The following NTM variants were observed in gnomAD, a reference collection of about 807,000 sequenced individuals.
The protein encoded by NTM is IgLON family member 2.
A neutral mutation model predicts 42.1 loss-of-function variants in NTM; 13 were observed. That is an observed-to-expected ratio of 0.31 (90% confidence interval 0.20 to 0.49). NTM has a LOEUF of 0.49. NTM is among the 20% of genes least tolerant of loss of function. The pLI, the probability that NTM is intolerant of heterozygous loss-of-function variation, is 0.99. For synonymous variants in NTM, 187 were observed against 179.2 expected (o/e 1.04, Z -0.35); for missense variants, 373 against 452.8 (o/e 0.82, Z 1.60).
chr11:131,682,311 A>G (rs1192168267), intron 1 of NTM, among the ~76,000 whole-genome samples: 2 of 152,164 alleles, frequency 1.3e-5, no homozygotes, highest in Non-Finnish European at 2.9e-5. Context: ...GGCTGCTGTG[A>G]GGACTAATCT....
intron 4 of NTM, among the ~76,000 whole-genome samples, chr11:132,270,665 A>G (rs137984119): frequency 0.033 from 4,365 of 131,856 alleles, 211 homozygotes; most frequent in African/African-American, 0.11. Flanking sequence ...TTTTTTTTTT[A>G]CTTTTTTGGG....
intron 1 of NTM, among the ~76,000 whole-genome samples, chr11:131,633,323 A>G (rs1009500435): frequency 2.0e-5 from 3 of 152,126 alleles, no homozygotes; most frequent in Admixed American, 6.5e-5. Context: ...CTTATGTCCC[A>G]TTGACTCTAA....
At chr11:131,951,954 T>A (rs2061046793) in intron 2 of NTM, among the ~76,000 whole-genome samples, 1 of 152,168 alleles carries the variant, frequency 6.6e-6, no homozygotes, top group South Asian at 2.1e-4. Context: ...TGCTATTTGT[T>A]AGTAGATAGT....
chr11:132,047,784 T>C (rs1223600974), intron 2 of NTM, among the ~76,000 whole-genome samples: 1 of 152,210 alleles, frequency 6.6e-6, no homozygotes. Flanking sequence ...AAACTGGTTT[T>C]CTCTAAATCA....
intron 2 of NTM, among the ~76,000 whole-genome samples, chr11:131,974,647 C>A (rs1479358487): frequency 6.6e-6 from 1 of 152,186 alleles, no homozygotes; most frequent in Non-Finnish European, 1.5e-5. Flanking sequence ...CAAATTTTGA[C>A]CCTGGCATTT....
intron 3 of NTM, among the ~76,000 whole-genome samples, chr11:132,188,471 A>G (rs2078785419): frequency 6.6e-6 from 1 of 152,146 alleles, no homozygotes. Context: ...CCCAGCTCAC[A>G]TCTTCAGAAA....
intron 2 of NTM, among the ~76,000 whole-genome samples, chr11:132,117,140 T>C (rs2064019028): frequency 6.6e-6 from 1 of 152,246 alleles, no homozygotes; most frequent in South Asian, 2.1e-4. Flanking sequence ...TGAGTGTTCA[T>C]TTAAAATGAT....
chr11:132,168,885 C>CT (rs1165063695), intron 3 of NTM, among the ~76,000 whole-genome samples: 1 of 152,194 alleles, frequency 6.6e-6, no homozygotes, highest in Non-Finnish European at 1.5e-5. Context: ...CAGATCTTCA[C>CT]TTTACACATG....
At chr11:131,852,145 G>A (rs1289861804) in intron 1 of NTM, among the ~76,000 whole-genome samples, 3 of 152,044 alleles carry the variant, frequency 2.0e-5, no homozygotes, top group African/African-American at 7.2e-5. Context: ...CTGCTGAGGC[G>A]GCTCCCATGG....
chr11:131,608,318 T>G (rs1379128901), intron 1 of NTM, among the ~76,000 whole-genome samples: 1 of 152,204 alleles, frequency 6.6e-6, no homozygotes, highest in Non-Finnish European at 1.5e-5. Context: ...TGGGTTACAT[T>G]TTTGAATGAG....
chr11:131,962,372 C>A (rs996100219), intron 2 of NTM, among the ~76,000 whole-genome samples: 7 of 152,192 alleles, frequency 4.6e-5, no homozygotes, highest in African/African-American at 1.2e-4. Flanking sequence ...AAACCCTAAC[C>A]CTCAATGGGA....
chr11:131,877,711 A>G (rs1290697616), intron 1 of NTM: 1 of 152,214 alleles, frequency 6.6e-6, no homozygotes. Flanking sequence ...CTTGATGACA[A>G]TATTTAATAA....
At position 131,614,299 on chromosome 11, in the gene NTM, G is replaced by A. The variant is rs7101937; in HGVS notation, c.82+243411G>A. Reference sequence around the variant, plus strand: ...GAGGAGGGAAGTGGTTCCCATAAATGCCCCATGCCCAGAAGGGCCGTGCAG... The same window carrying A: ...GAGGAGGGAAGTGGTTCCCATAAATACCCCATGCCCAGAAGGGCCGTGCAG... On this transcript the variant is annotated intron_variant, in intron 1 of 8. Coordinates refer to ENST00000683400, the MANE Select transcript of NTM (RefSeq NM_001352005.2). Among the ~76,000 whole-genome samples, 286 of 152,328 alleles carry A rather than the reference G, an allele frequency of 1.9e-3. 3 individuals carry two copies. Among genetic ancestry groups the A allele is most frequent in the African/African-American group, 5.8e-3 (242 of 41,580 alleles).
chr11:131,407,590 G>T (rs1288823611), intron 1 of NTM, among the ~76,000 whole-genome samples: 1 of 152,118 alleles, frequency 6.6e-6, no homozygotes, highest in Non-Finnish European at 1.5e-5. Context: ...CTGAAAGTGG[G>T]GACAAAAGGC....
intron 7 of NTM, among the ~76,000 whole-genome samples, chr11:132,316,883 G>C (rs1460060429): frequency 6.6e-6 from 1 of 152,186 alleles, no homozygotes; most frequent in Admixed American, 6.6e-5. Context: ...TTCCATGTCA[G>C]TTTCCATTAA....
chr11:132,066,649 G>A lies in NTM; in HGVS notation c.168-79633G>A, dbSNP rs146977260. Among the ~76,000 whole-genome samples the A allele has an allele frequency of 3.4e-3, 514 of 152,218 alleles. 1 individual carries two copies. Among genetic ancestry groups the A allele is most frequent in the Non-Finnish European group, 5.9e-3 (402 of 68,014 alleles). ...CTCTTCTTTCTTCCAGTGGCTTCCG[G>A]TATTCTTTGGATTGATACATTATCT... is the stretch of plus-strand genomic sequence containing the variant. On this transcript the variant is annotated intron_variant, in intron 2 of 8. Transcript: ENST00000683400.
At chr11:132,032,634 C>T (rs946912100) in intron 2 of NTM, among the ~76,000 whole-genome samples, 2 of 152,156 alleles carry the variant, frequency 1.3e-5, no homozygotes, top group African/African-American at 2.4e-5. Context: ...CCTACTCCAA[C>T]ATCTGTTCAG....
At chr11:132,225,073 G>T (rs1392054424) in intron 4 of NTM, among the ~76,000 whole-genome samples, 1 of 152,200 alleles carries the variant, frequency 6.6e-6, no homozygotes, top group Non-Finnish European at 1.5e-5. Flanking sequence ...GGATTTATCA[G>T]ATTGAACAGA....
chr11:131,392,799 T>C (rs1354584735), intron 1 of NTM, among the ~76,000 whole-genome samples: 1 of 152,120 alleles, frequency 6.6e-6, no homozygotes, highest in East Asian at 1.9e-4. Flanking sequence ...TGCTTTCTCT[T>C]GAGATCAGAA....
Sources: allele counts gnomAD v4.1 joint callset (sites outside exome capture counted in the v4.1 genomes callset), GRCh38; gene constraint gnomAD v4.1.1; transcripts MANE v1.5; gene names NCBI Gene and HGNC (gene_info 2026-07-23, HGNC 2026-07-21).